Variants in LMO7 observed in about 807,000 individuals in gnomAD.
The protein encoded by LMO7 is LIM domain only protein 7.
LMO7 carries 120 observed loss-of-function variants against 206.5 expected under a neutral mutation model. That is an observed-to-expected ratio of 0.58 (90% confidence interval 0.50 to 0.68). The LOEUF (loss-of-function observed/expected upper bound fraction) is 0.68, where lower values mean the gene tolerates loss of function less well. Among genes scored for constraint, LMO7 ranks in the 30% least tolerant of loss-of-function variants. The pLI is 0.00. For missense variants in LMO7, 1,959 were observed against 1,957.9 expected, an observed-to-expected ratio of 1.00 and a Z score of -0.01; for synonymous variants, 706 against 681.5, an observed-to-expected ratio of 1.04 and a Z score of -0.56.
At chr13:75,822,770 A>G (rs2057709739) in intron 14 of LMO7, among the ~76,000 whole-genome samples, 1 of 99,598 alleles carries the variant, frequency 1.0e-5, no homozygotes, top group South Asian at 3.3e-4. Flanking sequence ...AACTATATAT[A>G]TATATATATA....
intron 3 of LMO7, among the ~76,000 whole-genome samples, chr13:75,743,169 A>T (rs1009232710): frequency 3.9e-5 from 6 of 152,368 alleles, no homozygotes; most frequent in Middle Eastern, 3.4e-3. Flanking sequence ...CCACAATGAG[A>T]TATCATTGCA....
At chr13:75,829,937 G>A (rs1414290891) in intron 15 of LMO7, among the ~76,000 whole-genome samples, 1 of 152,128 alleles carries the variant, frequency 6.6e-6, no homozygotes, top group Non-Finnish European at 1.5e-5. Context: ...ACGCTGAGAT[G>A]ATGATAGACA....
chr13:75,809,128 T>C, intron 10 of LMO7, 26 bp from the exon 11 acceptor site: 1 of 1,594,396 alleles, frequency 6.3e-7, no homozygotes, highest in Non-Finnish European at 8.6e-7. Context: ...AATGACTTTT[T>C]AATTTTTGGT....
intron 26 of LMO7, among the ~76,000 whole-genome samples, chr13:75,845,787 A>G (rs982619486): frequency 1.1e-4 from 16 of 152,234 alleles, no homozygotes; most frequent in Non-Finnish European, 1.6e-4. Context: ...ATCAAAAATT[A>G]TGACTTCAGT....
At chr13:75,819,880 A>G (rs1445389357) in intron 13 of LMO7, among the ~76,000 whole-genome samples, 1 of 152,234 alleles carries the variant, frequency 6.6e-6, no homozygotes, top group African/African-American at 2.4e-5. Context: ...AGATGGTCCA[A>G]TAAAATCAGC....
intron 27 of LMO7, among the ~76,000 whole-genome samples, chr13:75,850,333 A>G (rs2060390719): frequency 6.6e-6 from 1 of 152,200 alleles, no homozygotes; most frequent in African/African-American, 2.4e-5. Flanking sequence ...ACAGTTTTTC[A>G]GTATGTATTA....
intron 1 of LMO7, among the ~76,000 whole-genome samples, chr13:75,640,000 A>G (rs1273099876): frequency 6.6e-6 from 1 of 152,122 alleles, no homozygotes; most frequent in Non-Finnish European, 1.5e-5. Context: ...ACCTGCCCCA[A>G]GTTTTATCCT....
chr13:75,842,795 C>T, intron 24 of LMO7, 56 bp from the exon 25 acceptor site: 2 of 1,071,478 alleles, frequency 1.9e-6, no homozygotes, highest in Non-Finnish European at 2.9e-6. Context: ...TTCTTAAACT[C>T]AGGGAAGGGC....
At chr13:75,809,353 T>G (rs1595179555) in intron 11 of LMO7, among the ~76,000 whole-genome samples, 170 bp downstream of exon 11, 1 of 152,216 alleles carries the variant, frequency 6.6e-6, no homozygotes, top group Admixed American at 6.5e-5. Context: ...TTTCTGTGTC[T>G]TGGTGCCCAG....
intron 1 of LMO7, among the ~76,000 whole-genome samples, chr13:75,674,319 T>A (rs1161762732): frequency 6.6e-6 from 1 of 152,222 alleles, no homozygotes; most frequent in Non-Finnish European, 1.5e-5. Flanking sequence ...CATTTATTCA[T>A]CCTTAAAAAT....
chr13:75,797,209 C>T (rs2054137574), intron 6 of LMO7, among the ~76,000 whole-genome samples: 1 of 152,184 alleles, frequency 6.6e-6, no homozygotes, highest in African/African-American at 2.4e-5. Context: ...CATATCCCCA[C>T]AATTCTACCA....
chr13:75,781,883 A>G (rs574174667), intron 4 of LMO7, among the ~76,000 whole-genome samples: 8 of 152,226 alleles, frequency 5.3e-5, no homozygotes, highest in South Asian at 2.1e-4. Flanking sequence ...GCCAGTGATG[A>G]TGAGCATTTT....
chr13:75,836,253 C>T, intron 18 of LMO7, 144 bp from the exon 19 acceptor site: 2 of 550,754 alleles, frequency 3.6e-6, no homozygotes, highest in Non-Finnish European at 6.5e-6. Flanking sequence ...TAAGTTTCTA[C>T]TACATGTAAA....
In LMO7 at chr13:75,645,066, AG is replaced by A. The variant is rs141868008; in HGVS notation, c.69+8341del. 3.2e-3 allele frequency among the ~76,000 whole-genome samples: 481 copies of A among 152,368 alleles called. 4 individuals are homozygous for A. Among genetic ancestry groups the A allele is most frequent in the African/African-American group, 0.011 (457 of 41,582 alleles). ...TAATATAACATTGAGTTATACTTTG[AG>A]CTAGAATAGGAAATAGATATCTAAG... On this transcript the variant is annotated intron_variant, in intron 1 of 30. Coordinates refer to ENST00000377534, the MANE Select transcript of LMO7 (RefSeq NM_001306080.2).
At chr13:75,743,958 C>T (rs1317157365) in intron 3 of LMO7, among the ~76,000 whole-genome samples, 1 of 152,056 alleles carries the variant, frequency 6.6e-6, no homozygotes, top group Non-Finnish European at 1.5e-5. Context: ...TATGGATCAC[C>T]ACTTGTAATT....
chr13:75,736,015 C>A (rs937210044), intron 3 of LMO7, among the ~76,000 whole-genome samples: 1 of 151,962 alleles, frequency 6.6e-6, no homozygotes, highest in Non-Finnish European at 1.5e-5. Flanking sequence ...TTGGAATGCT[C>A]GAATTGTAGT....
intron 17 of LMO7, 67 bp from the exon 18 acceptor site, chr13:75,835,166 C>A (rs1268808353): frequency 1.3e-6 from 2 of 1,593,292 alleles, no homozygotes; most frequent in South Asian, 2.3e-5. Flanking sequence ...GGGCAAAGAC[C>A]AACCTTCCCT....
At chr13:75,666,663 T>C (rs1450610506) in intron 1 of LMO7, among the ~76,000 whole-genome samples, 1 of 152,202 alleles carries the variant, frequency 6.6e-6, no homozygotes, top group Non-Finnish European at 1.5e-5. Context: ...CAAAAGCTCT[T>C]GGGGGCCTTC....
chr13:75,747,983 ATC>A (rs1337290927), intron 3 of LMO7, among the ~76,000 whole-genome samples: 1 of 152,186 alleles, frequency 6.6e-6, no homozygotes, highest in Non-Finnish European at 1.5e-5. Flanking sequence ...CTTGAGTTGC[ATC>A]TCTGAGTATT....
Sources: allele counts gnomAD v4.1 joint callset (sites outside exome capture counted in the v4.1 genomes callset), GRCh38; gene constraint gnomAD v4.1.1; transcripts MANE v1.5; gene names NCBI Gene and HGNC (gene_info 2026-07-23, HGNC 2026-07-21).